Variants in P3H2 observed in about 807,000 individuals in gnomAD.
P3H2 encodes prolyl 3-hydroxylase 2.
A neutral mutation model predicts 87.0 loss-of-function variants in P3H2; 80 were observed. The observed-to-expected ratio is 0.92, with a 90% CI of 0.77 to 1.11. The LOEUF (loss-of-function observed/expected upper bound fraction) is 1.11. Among genes scored for constraint, P3H2 ranks in the 50% least tolerant of loss-of-function variants. The pLI is 0.00. For synonymous variants in P3H2, 367 were observed against 359.3 expected (o/e 1.02, Z -0.24); for missense variants, 1,001 against 923.9 (o/e 1.08, Z -1.08).
intron 1 of P3H2, among the ~76,000 whole-genome samples, chr3:190,117,337 A>G (rs1006614353): frequency 6.6e-6 from 1 of 152,210 alleles, no homozygotes; most frequent in Admixed American, 6.5e-5. Context: ...AGGCCCACTC[A>G]GCAGGATTTG....
chr3:190,074,268 G>A (rs1397728787), intron 1 of P3H2, among the ~76,000 whole-genome samples: 1 of 152,118 alleles, frequency 6.6e-6, no homozygotes, highest in Admixed American at 6.6e-5. Context: ...CCAGCACTTC[G>A]GGAGGTCGAG....
rs1726174785 is a variant in P3H2, at chr3:190,056,781, G to C, written c.481-61339C>G. Among the ~76,000 whole-genome samples, 6 of 152,286 alleles carry C rather than the reference G, an allele frequency of 3.9e-5. No individual in the cohort carries two copies. In the South Asian group the frequency reaches 1.2e-3, roughly 32 times the overall value. On this transcript the variant is annotated intron_variant, in intron 1 of 14. Coordinates refer to ENST00000319332, the MANE Select transcript of P3H2 (RefSeq NM_018192.4). ...CAGCGGTCTATTTCTATAAATCCAA[G>C]GAGCTGGATTAGAAAAGCACACGCA...
At chr3:190,005,261 G>T (rs1450528310) in intron 1 of P3H2, among the ~76,000 whole-genome samples, 2 of 151,764 alleles carry the variant, frequency 1.3e-5, no homozygotes, top group African/African-American at 4.9e-5. Flanking sequence ...TCAAATGCTT[G>T]TCACAAGCAC....
chr3:189,999,492 A>C (rs969745335), intron 1 of P3H2, among the ~76,000 whole-genome samples: 1 of 152,190 alleles, frequency 6.6e-6, no homozygotes, highest in Non-Finnish European at 1.5e-5. Flanking sequence ...CCACATAAAC[A>C]TGTGCATGCT....
rs192853805 is a variant in P3H2 at position 190,024,716 on chromosome 3, T to C, written c.481-29274A>G. Among the ~76,000 whole-genome samples, 15 of 152,192 alleles carry C rather than the reference T, an allele frequency of 9.9e-5. No individual in the cohort carries two copies. The East Asian group carries it at 2.7e-3, about 27-fold the overall frequency. ...TTATATCTGCAATGATGTGAATTTG[T>C]AAGGCTAGCAGAAGAAAACTCTATC... On this transcript the variant is annotated intron_variant, in intron 1 of 14. Coordinates refer to ENST00000319332, the MANE Select transcript of P3H2 (RefSeq NM_018192.4).
intron 1 of P3H2, among the ~76,000 whole-genome samples, chr3:190,049,999 C>G (rs1240336660): frequency 2.6e-5 from 4 of 152,208 alleles, no homozygotes; most frequent in Non-Finnish European, 5.9e-5. Context: ...TGTAATATCT[C>G]TCAAAGCTGG....
At chr3:190,065,032 T>A (rs1324760279) in intron 1 of P3H2, among the ~76,000 whole-genome samples, 1 of 152,156 alleles carries the variant, frequency 6.6e-6, no homozygotes, top group East Asian at 1.9e-4. Flanking sequence ...ATTGGAGGAC[T>A]CCCTGCCTAA....
chr3:190,015,153 A>G (rs2108937029), intron 1 of P3H2, among the ~76,000 whole-genome samples: 1 of 152,294 alleles, frequency 6.6e-6, no homozygotes, highest in African/African-American at 2.4e-5. Flanking sequence ...CTGGGACCAC[A>G]GGTGTGCACC....
intron 1 of P3H2, among the ~76,000 whole-genome samples, chr3:190,064,382 G>C (rs1726432299): frequency 6.6e-6 from 1 of 151,996 alleles, no homozygotes; most frequent in Non-Finnish European, 1.5e-5. Context: ...CCTTCCTAGG[G>C]AGTGAGTCAA....
chr3:189,993,994 T>C, intron 3 of P3H2, 100 bp downstream of exon 3: 1 of 896,196 alleles, frequency 1.1e-6, no homozygotes. Context: ...TCTTTTATTT[T>C]TACAGTATAT....
chr3:189,987,162 G>A lies in P3H2; in HGVS notation c.1099-285C>T, dbSNP rs1014790257. On this transcript the variant is annotated intron_variant, in intron 5 of 14. Coordinates refer to ENST00000319332, the MANE Select transcript of P3H2 (RefSeq NM_018192.4). The stretch of plus-strand genomic sequence containing the variant: ...GTCATATTTTTATCAACTCTCCCCC[G>A]AACACATGCAGAATCAAGAATTTCT... Among the ~76,000 whole-genome samples, 3 of 152,128 alleles carry A rather than the reference G, an allele frequency of 2.0e-5. No homozygotes were observed. The South Asian group carries it at 6.2e-4, about 32-fold the overall frequency.
intron 1 of P3H2, among the ~76,000 whole-genome samples, chr3:190,008,771 G>A (rs887767187): frequency 4.6e-5 from 7 of 152,094 alleles, no homozygotes; most frequent in Admixed American, 6.5e-5. Context: ...CATTCCACCC[G>A]AGCAACATTT....
At chr3:190,076,827 C>G (rs1338821445) in intron 1 of P3H2, among the ~76,000 whole-genome samples, 1 of 152,146 alleles carries the variant, frequency 6.6e-6, no homozygotes, top group Non-Finnish European at 1.5e-5. Context: ...GACTCTAACT[C>G]AGTAATGATG....
rs773396454 is a variant in P3H2, at chr3:189,973,038, AC to A, written c.1549-15del. On this transcript the variant is annotated splice_polypyrimidine_tract_variant and intron_variant, in intron 10 of 14. Transcript: ENST00000319332. ...TTCATAACCAGACTGAAAAAAAAAA[AC>A]AAAACATGAGAAACAAATGGGTTCA... is the stretch of plus-strand genomic sequence containing the variant. 1.9e-5 allele frequency: 29 copies of A among 1,552,882 alleles called. No individual in the cohort carries two copies. The African/African-American group carries it at 4.1e-4, about 22-fold the overall frequency.
At chr3:190,045,382 G>A (rs1725767637) in intron 1 of P3H2, among the ~76,000 whole-genome samples, 1 of 152,128 alleles carries the variant, frequency 6.6e-6, no homozygotes, top group Non-Finnish European at 1.5e-5. Context: ...GGCTCTTGCT[G>A]TAAGAAGAGA....
At chr3:189,974,773 CGAGT>C in intron 8 of P3H2, 88 bp from the exon 9 acceptor site, 1 of 1,501,606 alleles carries the variant, frequency 6.7e-7, no homozygotes, top group Non-Finnish European at 9.3e-7. Context: ...ATGTGCAATT[CGAGT>C]GAGTCCATTT....
chr3:190,013,999 C>A (rs1254264857), intron 1 of P3H2, among the ~76,000 whole-genome samples: 1 of 151,714 alleles, frequency 6.6e-6, no homozygotes, highest in Non-Finnish European at 1.5e-5. Context: ...ACTCTCTGGG[C>A]ATTTGCTGTC....
chr3:190,120,690 C>CAGG lies in P3H2; in HGVS notation c.41_42insCCT (p.Leu14dup). 1 of 1,506,164 alleles carries CAGG rather than the reference C, an allele frequency of 6.6e-7. No individual in the cohort carries two copies. Among genetic ancestry groups the CAGG allele is most frequent in the Non-Finnish European group, 8.8e-7 (1 of 1,132,998 alleles). The allele number at this position is 1,506,164 out of a possible 1,614,324, so 93.3% of individuals were successfully genotyped here. A position where few individuals can be genotyped will look rare whatever the true frequency, so the allele number is the denominator to read the frequency against. On this transcript the variant is annotated inframe_insertion, in exon 1 of 15. Transcript: ENST00000319332. The stretch of plus-strand genomic sequence containing the variant: ...ACAGTGGCGGCGGCAGTAGCAGCGG[C>CAGG]AGCAGCAGCAGCAGCGGCGGCGCCC...
chr3:190,035,103 C>T (rs141747888), intron 1 of P3H2, among the ~76,000 whole-genome samples: 11 of 152,220 alleles, frequency 7.2e-5, no homozygotes, highest in Admixed American at 2.0e-4. Context: ...CTTGCCTCAG[C>T]ATCCTGAAGT....
Sources: allele counts gnomAD v4.1 joint callset (sites outside exome capture counted in the v4.1 genomes callset), GRCh38; gene constraint gnomAD v4.1.1; transcripts MANE v1.5; gene names NCBI Gene and HGNC (gene_info 2026-07-23, HGNC 2026-07-21).